CAB39L: variants seen among roughly 807,000 people sequenced by gnomAD.
The protein encoded by CAB39L is calcium binding protein 39 like, also known as calcium-binding protein 39-like.
A neutral mutation model predicts 39.1 loss-of-function variants in CAB39L; 23 were observed. That is an observed-to-expected ratio of 0.59 (90% CI 0.42 to 0.83). The LOEUF (loss-of-function observed/expected upper bound fraction) is 0.83. Among genes scored for constraint, CAB39L ranks in the 40% least tolerant of loss-of-function variants. The probability of loss-of-function intolerance (pLI) is 0.00; values close to 1 mark genes in which losing one functional copy is unlikely to be tolerated. For missense variants in CAB39L, 366 were observed against 391.9 expected, an observed-to-expected ratio of 0.93 and a Z score of 0.56; for synonymous variants, 126 against 137.2, an observed-to-expected ratio of 0.92 and a Z score of 0.57.
chr13:49,408,149 G>A (rs1395550770), intron 3 of CAB39L, among the ~76,000 whole-genome samples: 1 of 152,114 alleles, frequency 6.6e-6, no homozygotes, highest in African/African-American at 2.4e-5. Context: ...ACCAGACAGT[G>A]GGAATAAAAG....
intron 3 of CAB39L, among the ~76,000 whole-genome samples, chr13:49,392,409 T>C (rs1311374524): frequency 1.3e-5 from 2 of 151,796 alleles, no homozygotes; most frequent in Non-Finnish European, 2.9e-5. Context: ...GAGGCCGAGG[T>C]GGGCAGATCA....
intron 3 of CAB39L, among the ~76,000 whole-genome samples, chr13:49,415,911 A>G (rs1172096111): frequency 6.6e-6 from 1 of 152,222 alleles, no homozygotes; most frequent in Non-Finnish European, 1.5e-5. Context: ...ATAAGGAAAA[A>G]CAGAGAGGAA....
At chr13:49,314,814 A>G (rs1408464838) in intron 10 of CAB39L, among the ~76,000 whole-genome samples, 2 of 152,336 alleles carry the variant, frequency 1.3e-5, no homozygotes, top group African/African-American at 4.8e-5. Flanking sequence ...ACAGTACCTG[A>G]GTGCCATTAG....
intron 6 of CAB39L, among the ~76,000 whole-genome samples, chr13:49,354,813 T>C (rs1299201932): frequency 6.6e-6 from 1 of 152,104 alleles, no homozygotes; most frequent in African/African-American, 2.4e-5. Context: ...AAAGCCAAAA[T>C]GTAAGAGCAA....
intron 3 of CAB39L, among the ~76,000 whole-genome samples, chr13:49,422,063 G>C (rs1487197041): frequency 6.6e-6 from 1 of 152,056 alleles, no homozygotes; most frequent in Non-Finnish European, 1.5e-5. Context: ...AATGATTAAA[G>C]ACAATCAAAA....
intron 7 of CAB39L, among the ~76,000 whole-genome samples, chr13:49,344,468 T>G (rs917923516): frequency 1.3e-5 from 2 of 152,096 alleles, no homozygotes; most frequent in Non-Finnish European, 2.9e-5. Context: ...TATTGTTAGA[T>G]TTATGATAGA....
chr13:49,441,874 G>C (rs1017252256), intron 1 of CAB39L, among the ~76,000 whole-genome samples: 1 of 152,034 alleles, frequency 6.6e-6, no homozygotes, highest in Non-Finnish European at 1.5e-5. Flanking sequence ...CTCTTATCTT[G>C]GTGGTAAATT....
intron 9 of CAB39L, among the ~76,000 whole-genome samples, chr13:49,333,879 C>T (rs1466999286): frequency 6.6e-6 from 1 of 151,970 alleles, no homozygotes; most frequent in Admixed American, 6.6e-5. Context: ...GCCTCTAGAC[C>T]CACATTTCTA....
chr13:49,315,868 G>C (rs1954141992), intron 10 of CAB39L, among the ~76,000 whole-genome samples: 2 of 133,718 alleles, frequency 1.5e-5, no homozygotes, highest in African/African-American at 2.7e-5. Flanking sequence ...CTGGGCAACA[G>C]AGCAAGTCTC....
intron 10 of CAB39L, among the ~76,000 whole-genome samples, chr13:49,325,505 T>C (rs1954471863): frequency 6.6e-6 from 1 of 152,122 alleles, no homozygotes; most frequent in Non-Finnish European, 1.5e-5. Context: ...AGTGGGTCCT[T>C]AGGCCGGGAG....
intron 9 of CAB39L, among the ~76,000 whole-genome samples, chr13:49,336,606 T>C (rs1170213444): frequency 6.6e-6 from 1 of 152,194 alleles, no homozygotes. Flanking sequence ...CAGTATCTGA[T>C]AGACTCCCAT....
chr13:49,400,170 C>T (rs1956732513), intron 3 of CAB39L, among the ~76,000 whole-genome samples: 2 of 151,996 alleles, frequency 1.3e-5, no homozygotes, highest in African/African-American at 4.8e-5. Flanking sequence ...TAACTAAAGA[C>T]ATATATATTT....
At chr13:49,376,891 G>GTAGATGATAGATAGA (rs1555260020) in intron 5 of CAB39L, 76 bp downstream of exon 5, 4 of 787,254 alleles carry the variant, frequency 5.1e-6, no homozygotes, top group Non-Finnish European at 7.7e-6. Context: ...AAGTTGAATA[G>GTAGATGATAGATAGA]TAGATAGATA....
chr13:49,438,481 G>A (rs1230741621), intron 1 of CAB39L, among the ~76,000 whole-genome samples: 2 of 152,176 alleles, frequency 1.3e-5, no homozygotes, highest in Non-Finnish European at 2.9e-5. Context: ...ATACGCTTCA[G>A]AAGGATTCAT....
chr13:49,353,231 C>T (rs1955404377), intron 6 of CAB39L, among the ~76,000 whole-genome samples: 1 of 152,122 alleles, frequency 6.6e-6, no homozygotes, highest in Non-Finnish European at 1.5e-5. Context: ...GAAACTCAGC[C>T]TATTGGCTCA....
chr13:49,333,293 G>A (rs1012708698), intron 9 of CAB39L, among the ~76,000 whole-genome samples: 3 of 152,122 alleles, frequency 2.0e-5, no homozygotes, highest in African/African-American at 7.2e-5. Context: ...AGCTTCTAAC[G>A]TTAACCTAAC....
At chr13:49,336,618 G>GA (rs1194356834) in intron 9 of CAB39L, among the ~76,000 whole-genome samples, 1 of 151,882 alleles carries the variant, frequency 6.6e-6, no homozygotes. Flanking sequence ...GACTCCCATT[G>GA]AAAAAAAGGA....
intron 8 of CAB39L, among the ~76,000 whole-genome samples, chr13:49,342,952 T>C (rs1208096961): frequency 6.6e-6 from 1 of 152,250 alleles, no homozygotes; most frequent in Admixed American, 6.5e-5. Flanking sequence ...AATAGATGTA[T>C]ATTATTAAAA....
chr13:49,441,921 G>A (rs779173322), intron 1 of CAB39L, among the ~76,000 whole-genome samples: 1 of 152,146 alleles, frequency 6.6e-6, no homozygotes, highest in Non-Finnish European at 1.5e-5. Context: ...ATGTGATAAG[G>A]ATATGATTAA....
Sources: allele counts gnomAD v4.1 joint callset (sites outside exome capture counted in the v4.1 genomes callset), GRCh38; gene constraint gnomAD v4.1.1; transcripts MANE v1.5; gene names NCBI Gene and HGNC (gene_info 2026-07-23, HGNC 2026-07-21).